The following PSD3 variants were observed in gnomAD, a reference collection of about 807,000 sequenced individuals.
PSD3 encodes the protein PH and SEC7 domain-containing protein 3.
PSD3 carries 49 observed loss-of-function variants against 105.5 expected under a neutral mutation model. That is an observed-to-expected ratio of 0.46 (90% CI 0.37 to 0.59). The LOEUF is 0.59. Ranked by LOEUF, PSD3 falls within the 20% of genes least tolerant of loss-of-function variation. The pLI, the probability that PSD3 is intolerant of heterozygous loss-of-function variation, is 0.00. For missense variants in PSD3, 1,561 were observed against 1,263.8 expected (o/e 1.24, Z -3.57); for synonymous variants, 557 against 457.8 (o/e 1.22, Z -2.77).
intron 4 of PSD3, among the ~76,000 whole-genome samples, chr8:18,833,407 A>G (rs767830713): frequency 6.6e-6 from 1 of 152,198 alleles, no homozygotes; most frequent in Non-Finnish European, 1.5e-5. Context: ...CACTTTCCCA[A>G]TAGGCCAGTA....
At chr8:18,882,100 T>C (rs971554677) in intron 2 of PSD3, among the ~76,000 whole-genome samples, 6 of 151,958 alleles carry the variant, frequency 3.9e-5, no homozygotes, top group African/African-American at 1.4e-4. Flanking sequence ...CCCAGCTACT[T>C]GGGAGGCTGA....
chr8:19,017,544 A>T (rs930346694), upstream of PSD3, among the ~76,000 whole-genome samples: 3 of 152,108 alleles, frequency 2.0e-5, no homozygotes, highest in Admixed American at 2.0e-4. Flanking sequence ...CCCTATCCCC[A>T]TTGGCGGTCG....
At chr8:18,900,693 C>G (rs1210044380) in intron 2 of PSD3, among the ~76,000 whole-genome samples, 1 of 132,864 alleles carries the variant, frequency 7.5e-6, no homozygotes, top group Non-Finnish European at 1.5e-5. Flanking sequence ...CTCTGTCACT[C>G]AAGCTGGAAT....
At chr8:18,954,286 G>A (rs1346497507) in intron 1 of PSD3, among the ~76,000 whole-genome samples, 1 of 151,994 alleles carries the variant, frequency 6.6e-6, no homozygotes, top group African/African-American at 2.4e-5. Flanking sequence ...ATTTGGGGAG[G>A]GGTTCAATGC....
intron 14 of PSD3, among the ~76,000 whole-genome samples, chr8:18,563,843 G>C (rs1464902123): frequency 2.0e-5 from 3 of 152,184 alleles, no homozygotes; most frequent in African/African-American, 7.2e-5. Flanking sequence ...AGTCAGAACT[G>C]TAAAGGGTGG....
intron 15 of PSD3, among the ~76,000 whole-genome samples, chr8:18,545,366 C>T (rs1800395461): frequency 1.3e-5 from 2 of 152,162 alleles, no homozygotes; most frequent in South Asian, 4.2e-4. Flanking sequence ...CCAAAGGTCC[C>T]ACCCAGCTTG....
intron 1 of PSD3, among the ~76,000 whole-genome samples, chr8:19,077,554 C>G (rs560315207): frequency 1.3e-5 from 2 of 152,116 alleles, no homozygotes; most frequent in African/African-American, 4.8e-5. Flanking sequence ...ATTTGCCCAC[C>G]TTTTTCGTTT....
At chr8:18,587,020 C>A (rs1026053837) in intron 12 of PSD3, among the ~76,000 whole-genome samples, 4 of 152,184 alleles carry the variant, frequency 2.6e-5, no homozygotes, top group South Asian at 2.1e-4. Flanking sequence ...TTTTGTCAAA[C>A]TGAATGACAC....
chr8:19,059,123 T>C (rs1828804553), intron 1 of PSD3, among the ~76,000 whole-genome samples: 1 of 152,234 alleles, frequency 6.6e-6, no homozygotes, highest in Non-Finnish European at 1.5e-5. Context: ...ATCTCCACTT[T>C]AGCAGAGACA....
At chr8:18,877,087 C>T (rs1199258438) in intron 2 of PSD3, among the ~76,000 whole-genome samples, 3 of 152,138 alleles carry the variant, frequency 2.0e-5, no homozygotes, top group Non-Finnish European at 4.4e-5. Context: ...GTACACTTTG[C>T]AAATGTTTTC....
chr8:18,818,900 G>T (rs1339068061), intron 4 of PSD3, among the ~76,000 whole-genome samples: 3 of 151,996 alleles, frequency 2.0e-5, no homozygotes, highest in Non-Finnish European at 4.4e-5. Flanking sequence ...GGTGGGTTGG[G>T]GGGAAAAGTC....
intron 10 of PSD3, among the ~76,000 whole-genome samples, chr8:18,652,434 G>T (rs1402707760): frequency 1.3e-5 from 2 of 150,332 alleles, no homozygotes; most frequent in African/African-American, 2.4e-5. Flanking sequence ...AAACGGGAGA[G>T]CACAGTGTTA....
In PSD3 at chr8:18,872,264, T is replaced by A; in HGVS notation, c.600A>T (p.Ser200=). ...GQKNLPEIPL[S]AEVTTEESFY... ...AACTTTCCTCCGTTGTTACTTCAGCTGAAAGAGGTATTTCTGGTAAATTTT... is the reference window on the plus strand; with the variant it reads ...AACTTTCCTCCGTTGTTACTTCAGCAGAAAGAGGTATTTCTGGTAAATTTT... Residue 200 remains serine (S), a synonymous_variant, in exon 3 of 16, where the codon TCA becomes TCT. Transcript: ENST00000327040. The A allele has an allele frequency of 5.0e-6, 8 of 1,614,242 alleles. No homozygotes were observed. The Middle Eastern group carries it at 4.9e-4, about 100-fold the overall frequency.
At chr8:18,583,374 T>G (rs888687892) in intron 12 of PSD3, among the ~76,000 whole-genome samples, 10 of 152,126 alleles carry the variant, frequency 6.6e-5, no homozygotes, top group Non-Finnish European at 1.2e-4. Flanking sequence ...AAGGCTGCAG[T>G]GAGCTGAGAC....
intron 9 of PSD3, among the ~76,000 whole-genome samples, chr8:18,668,537 C>G (rs541681824): frequency 5.4e-4 from 83 of 152,302 alleles, no homozygotes; most frequent in South Asian, 5.2e-3. Flanking sequence ...TCTAGAAATG[C>G]CACAGCTGAT....
intron 4 of PSD3, among the ~76,000 whole-genome samples, chr8:18,812,026 T>C (rs988136668): frequency 6.6e-6 from 1 of 152,226 alleles, no homozygotes; most frequent in Non-Finnish European, 1.5e-5. Context: ...TACTAATAGA[T>C]GTGTGTGCCT....
chr8:19,055,510 C>A (rs1828680868), intron 1 of PSD3, among the ~76,000 whole-genome samples: 1 of 152,216 alleles, frequency 6.6e-6, no homozygotes, highest in African/African-American at 2.4e-5. Flanking sequence ...GCCTCGGCCT[C>A]CCAAAGTGCT....
intron 1 of PSD3, among the ~76,000 whole-genome samples, chr8:19,032,443 G>A (rs1827802179): frequency 6.6e-6 from 1 of 152,036 alleles, no homozygotes; most frequent in Non-Finnish European, 1.5e-5. Context: ...AGTAGTTCAA[G>A]GTCAGCCTGG....
At chr8:18,845,760 GA>G (rs1815038028) in intron 4 of PSD3, among the ~76,000 whole-genome samples, 1 of 152,098 alleles carries the variant, frequency 6.6e-6, no homozygotes. Context: ...AACATAGCAA[GA>G]CCCCACCTCT....
Sources: gnomAD v4.1 joint callset for allele counts (sites outside exome capture counted in the v4.1 genomes callset) on GRCh38, gnomAD v4.1.1 for gene constraint, MANE v1.5 for transcripts, NCBI Gene and HGNC (gene_info 2026-07-23, HGNC 2026-07-21) for gene names.